Variants in IL1RAPL2 observed in about 807,000 individuals in gnomAD.
IL1RAPL2 encodes the protein interleukin 1 receptor accessory protein like 2, also known as X-linked interleukin-1 receptor accessory protein-like 2.
In IL1RAPL2, 3 loss-of-function variants were observed where a neutral mutation model predicts 44.1. The observed-to-expected ratio is 0.07, with a 90% CI of 0.03 to 0.18. The LOEUF (loss-of-function observed/expected upper bound fraction) is 0.18, where lower values mean the gene tolerates loss of function less well. Ranked by LOEUF, IL1RAPL2 falls within the 10% of genes least tolerant of loss-of-function variation. IL1RAPL2 has a pLI of 1.00. For missense variants in IL1RAPL2, 391 were observed against 496.4 expected, an observed-to-expected ratio of 0.79 and a Z score of 2.02; for synonymous variants, 181 against 178.8, an observed-to-expected ratio of 1.01 and a Z score of -0.10.
chrX:105,337,823 A>G (rs1185340078), intron 5 of IL1RAPL2, among the ~76,000 whole-genome samples: 2 of 110,940 alleles, frequency 1.8e-5, no homozygotes, highest in East Asian at 2.9e-4. Flanking sequence ...CCCAGGAGGC[A>G]GAGCTTGCAG....
At chrX:104,853,868 A>C (rs1373679453) in intron 2 of IL1RAPL2, among the ~76,000 whole-genome samples, 2 of 95,269 alleles carry the variant, frequency 2.1e-5, no homozygotes, top group African/African-American at 8.0e-5. Context: ...GCGCCACTGC[A>C]CTCCAGCCTG....
intron 2 of IL1RAPL2, among the ~76,000 whole-genome samples, chrX:105,145,596 C>A (rs1468804453): frequency 4.5e-5 from 5 of 111,476 alleles, no homozygotes; most frequent in African/African-American, 1.6e-4. Flanking sequence ...CCAGATAATC[C>A]CAGCATGGCC....
chrX:105,083,837 C>T (rs182416857), intron 2 of IL1RAPL2, among the ~76,000 whole-genome samples: 7 of 112,112 alleles, frequency 6.2e-5, no homozygotes, highest in Non-Finnish European at 1.3e-4. Flanking sequence ...GAAAAGAAGA[C>T]CGGTACCAGC....
chrX:104,657,847 C>G (rs1234916221), intron 1 of IL1RAPL2, among the ~76,000 whole-genome samples: 5 of 112,007 alleles, frequency 4.5e-5, no homozygotes, highest in African/African-American at 1.6e-4. Context: ...ATTTATGCAG[C>G]CAACAGACAT....
intron 2 of IL1RAPL2, among the ~76,000 whole-genome samples, chrX:104,673,222 T>C (rs1400959278): frequency 1.8e-5 from 2 of 111,931 alleles, no homozygotes; most frequent in Non-Finnish European, 3.8e-5. Context: ...AGGGTTTTTA[T>C]GGTTTTAGGT....
intron 6 of IL1RAPL2, among the ~76,000 whole-genome samples, chrX:105,549,535 C>T (rs1239393948): frequency 9.0e-6 from 1 of 111,220 alleles, no homozygotes; most frequent in African/African-American, 3.3e-5. Flanking sequence ...AACTGTTGTA[C>T]CCATGGGCTT....
At chrX:104,892,829 T>TG (rs757291427) in intron 2 of IL1RAPL2, among the ~76,000 whole-genome samples, 2 of 111,944 alleles carry the variant, frequency 1.8e-5, no homozygotes, top group Non-Finnish European at 3.8e-5. Context: ...TCTTGCCTTC[T>TG]GCTAGCTTTT....
chrX:104,776,773 C>T (rs1421342340), intron 2 of IL1RAPL2, among the ~76,000 whole-genome samples: 1 of 112,098 alleles, frequency 8.9e-6, no homozygotes, highest in Non-Finnish European at 1.9e-5. Context: ...ATATACCCTA[C>T]ACCCACTTTT....
chrX:104,733,494 C>T (rs1931959599), intron 2 of IL1RAPL2, among the ~76,000 whole-genome samples: 1 of 109,377 alleles, frequency 9.1e-6, no homozygotes, highest in East Asian at 2.9e-4. Context: ...GTGGCATGCA[C>T]CTGTAATCCC....
intron 6 of IL1RAPL2, among the ~76,000 whole-genome samples, chrX:105,637,846 C>G (rs1035664991): frequency 5.4e-5 from 6 of 110,150 alleles, no homozygotes; most frequent in Middle Eastern, 4.8e-3. Context: ...CTTGGCCCAT[C>G]TGGAATAGTC....
chrX:105,116,027 C>T, intron 2 of IL1RAPL2, among the ~76,000 whole-genome samples: 1 of 113,382 alleles, frequency 8.8e-6, no homozygotes, highest in African/African-American at 3.2e-5. Context: ...AGCCCACGCC[C>T]ACCCAGAACT....
chrX:105,195,270 A>C (rs1346411561), intron 2 of IL1RAPL2, among the ~76,000 whole-genome samples: 1 of 108,817 alleles, frequency 9.2e-6, no homozygotes, highest in Non-Finnish European at 1.9e-5. Context: ...GAATATTGGA[A>C]GATACCCCAA....
rs184724877 is a variant in IL1RAPL2 at position 105,053,942 on chromosome X, T to C, written c.83-141533T>C. On this transcript the variant is annotated intron_variant, in intron 2 of 10. Transcript: ENST00000372582. ...TTAAGCCTAAGAGTTCCAGGTTACA[T>C]TGAGCTATGATTGTATTACTGTACT... 1.5e-4 allele frequency among the ~76,000 whole-genome samples: 17 copies of C among 111,541 alleles called. No individual in the cohort carries two copies. The East Asian group carries it at 4.8e-3, about 32-fold the overall frequency.
At chrX:104,876,891 C>T (rs1233171489) in intron 2 of IL1RAPL2, among the ~76,000 whole-genome samples, 1 of 109,494 alleles carries the variant, frequency 9.1e-6, no homozygotes, top group Non-Finnish European at 1.9e-5. Context: ...CCGCCCACCC[C>T]ACAACAGTCC....
At chrX:105,356,178 G>A in intron 5 of IL1RAPL2, among the ~76,000 whole-genome samples, 1 of 100,141 alleles carries the variant, frequency 1.0e-5, no homozygotes, top group Non-Finnish European at 1.9e-5. Flanking sequence ...GTGTGTGTGT[G>A]TGTGTGGTTT....
chrX:105,658,371 ATATGAC>A (rs749500283), intron 6 of IL1RAPL2, among the ~76,000 whole-genome samples: 15 of 112,329 alleles, frequency 1.3e-4, no homozygotes, highest in Admixed American at 2.8e-4. Context: ...CCTAAAGCAG[ATATGAC>A]TATAGTTACA....
intron 2 of IL1RAPL2, among the ~76,000 whole-genome samples, chrX:104,966,139 A>G (rs1370568096): frequency 9.0e-6 from 1 of 111,261 alleles, no homozygotes; most frequent in Non-Finnish European, 1.9e-5. Flanking sequence ...AAGAATATAA[A>G]TTTAAATAAA....
chrX:105,093,726 A>G (rs776840260), intron 2 of IL1RAPL2, among the ~76,000 whole-genome samples: 60 of 111,788 alleles, frequency 5.4e-4, no homozygotes, highest in Non-Finnish European at 8.8e-4. Context: ...GTGCAAAATT[A>G]TAGCTAACCT....
chrX:104,910,894 G>A (rs1924215459), intron 2 of IL1RAPL2, among the ~76,000 whole-genome samples: 1 of 111,303 alleles, frequency 9.0e-6, no homozygotes, highest in Non-Finnish European at 1.9e-5. Flanking sequence ...CGTATCATGA[G>A]GCTTATTGAC....
Sources: allele counts gnomAD v4.1 joint callset (sites outside exome capture counted in the v4.1 genomes callset), GRCh38; gene constraint gnomAD v4.1.1; transcripts MANE v1.5; gene names NCBI Gene and HGNC (gene_info 2026-07-23, HGNC 2026-07-21).